CTNNA2: variants seen among roughly 807,000 people sequenced by gnomAD.
CTNNA2 encodes catenin alpha 2.
A neutral mutation model predicts 101.0 loss-of-function variants in CTNNA2; 42 were observed. The observed-to-expected ratio is 0.42, with a 90% confidence interval of 0.32 to 0.54. CTNNA2 has a LOEUF of 0.54. CTNNA2 is among the 20% of genes least tolerant of loss of function. The pLI is 0.14. For missense variants in CTNNA2, 871 were observed against 1,223.1 expected (o/e 0.71, Z 4.29); for synonymous variants, 450 against 456.4 (o/e 0.99, Z 0.18).
rs138388817 is a variant in CTNNA2 at position 79,889,185 on chromosome 2, A to AACAC, written c.852+14854_852+14857dup. Among the ~76,000 whole-genome samples the AACAC allele has an allele frequency of 3.5e-3, 537 of 151,836 alleles. 6 individuals carry two copies. The highest frequency in any genetic ancestry group is 0.013 in the African/African-American group (523 of 41,448). On this transcript the variant is annotated intron_variant, in intron 6 of 18. Transcript: ENST00000402739. ...TCAGTGGTGAAGTAAACCACACACA[A>AACAC]ACACACACACACACGTGCAACAACT...
intron 3 of CTNNA2, among the ~76,000 whole-genome samples, chr2:79,755,135 G>A (rs1672310171): frequency 6.6e-6 from 1 of 151,838 alleles, no homozygotes; most frequent in East Asian, 1.9e-4. Flanking sequence ...AACCAGCCTG[G>A]GCAAGATAGC....
At chr2:80,402,528 C>T (rs1290827330) in intron 8 of CTNNA2, among the ~76,000 whole-genome samples, 1 of 151,910 alleles carries the variant, frequency 6.6e-6, no homozygotes, top group African/African-American at 2.4e-5. Flanking sequence ...GATGCTGTCA[C>T]CCAAGAAATT....
intron 3 of CTNNA2, among the ~76,000 whole-genome samples, chr2:79,357,117 A>C (rs538423825): frequency 4.6e-5 from 7 of 152,288 alleles, no homozygotes; most frequent in African/African-American, 1.7e-4. Flanking sequence ...ATTTGAGCCC[A>C]GGAGTTTGAG....
intron 2 of CTNNA2, 143 bp from the exon 3 acceptor site, chr2:79,744,244 G>A: frequency 1.5e-6 from 1 of 679,372 alleles, no homozygotes; most frequent in Admixed American, 3.2e-5. Context: ...AAGGTTATGT[G>A]AGGAGGCTAA....
intron 2 of CTNNA2, among the ~76,000 whole-genome samples, chr2:79,728,205 G>T (rs1377132918): frequency 6.6e-6 from 1 of 152,090 alleles, no homozygotes; most frequent in African/African-American, 2.4e-5. Context: ...CAGTGTAAAA[G>T]TGTTCCTATT....
intron 7 of CTNNA2, among the ~76,000 whole-genome samples, chr2:80,101,448 G>A (rs6717084): frequency 0.52 from 78,745 of 152,052 alleles, 23,148 homozygotes; most frequent in African/African-American, 0.77. Context: ...TTTCACTTGA[G>A]CTGATTCTTT....
At chr2:79,289,880 C>T (rs1675747733) in intron 2 of CTNNA2, among the ~76,000 whole-genome samples, 1 of 152,174 alleles carries the variant, frequency 6.6e-6, no homozygotes, top group African/African-American at 2.4e-5. Flanking sequence ...TAGAGCTTAA[C>T]TCCATAAATT....
intron 7 of CTNNA2, among the ~76,000 whole-genome samples, chr2:79,966,339 G>A (rs900770601): frequency 5.3e-5 from 8 of 152,036 alleles, no homozygotes; most frequent in Middle Eastern, 3.2e-3. Context: ...GGGCTCAAGC[G>A]ATCCTCCCAC....
intron 2 of CTNNA2, among the ~76,000 whole-genome samples, chr2:79,264,347 T>C (rs1674962913): frequency 6.6e-6 from 1 of 152,210 alleles, no homozygotes; most frequent in Admixed American, 6.5e-5. Flanking sequence ...ATACGCATTT[T>C]TTAATAGAAA....
chr2:79,579,646 C>T (rs927037251), intron 1 of CTNNA2, among the ~76,000 whole-genome samples: 1 of 152,136 alleles, frequency 6.6e-6, no homozygotes, highest in African/African-American at 2.4e-5. Context: ...ATGGAGTTCA[C>T]TCTTGTTGCC....
intron 1 of CTNNA2, among the ~76,000 whole-genome samples, chr2:79,619,386 C>T (rs568480673): frequency 3.9e-5 from 6 of 152,300 alleles, no homozygotes; most frequent in Non-Finnish European, 7.4e-5. Context: ...CCTGCAATAG[C>T]AACATTAGCA....
intron 3 of CTNNA2, among the ~76,000 whole-genome samples, chr2:79,357,106 C>G (rs964194157): frequency 2.0e-5 from 3 of 152,124 alleles, no homozygotes. Flanking sequence ...GCAGGAGGGT[C>G]ATTTGAGCCC....
rs1315670426 is a variant in CTNNA2, at chr2:80,124,555, A to G, written c.1056+214758A>G. On this transcript the variant is annotated intron_variant, in intron 7 of 18. Transcript: ENST00000402739. ...AATATATCCTCATTTTTTTCCAAAC[A>G]TAGTTTACTAAATATTTTCTCGTAT... 2.0e-5 allele frequency among the ~76,000 whole-genome samples: 3 copies of G among 152,194 alleles called. No individual in the cohort carries two copies. In the East Asian group the frequency reaches 5.8e-4, roughly 29 times the overall value.
chr2:79,996,002 T>C (rs1249248081), intron 7 of CTNNA2, among the ~76,000 whole-genome samples: 1 of 152,178 alleles, frequency 6.6e-6, no homozygotes, highest in South Asian at 2.1e-4. Flanking sequence ...GATTTCTCTT[T>C]TGCAGGCTTA....
At chr2:79,282,827 C>T (rs1439900144) in intron 2 of CTNNA2, among the ~76,000 whole-genome samples, 5 of 104,688 alleles carry the variant, frequency 4.8e-5, no homozygotes, top group Non-Finnish European at 6.7e-5. Flanking sequence ...CCTGAGGAAT[C>T]ACCACACTGA....
At chr2:79,506,873 T>G (rs980690339) in intron 5 of CTNNA2, among the ~76,000 whole-genome samples, 40 of 152,114 alleles carry the variant, frequency 2.6e-4, no homozygotes, top group Admixed American at 1.3e-3. Flanking sequence ...GTCACAGGAG[T>G]TATGTGACTA....
chr2:80,007,716 G>T lies in CTNNA2; in HGVS notation c.1056+97919G>T, dbSNP rs1054097214. ...TTAGAGATCAGATTTAGGAGGCTTG[G>T]GGAATCCTTTTATTCTATAGCCAGA... On this transcript the variant is annotated intron_variant, in intron 7 of 18. Transcript: ENST00000402739. Among the ~76,000 whole-genome samples the T allele has an allele frequency of 9.2e-5, 14 of 152,260 alleles. 1 individual carries two copies. In the East Asian group the frequency reaches 2.7e-3, roughly 29 times the overall value.
rs1673627373 is a variant in CTNNA2, at chr2:79,544,713, A to G, written c.-6+31506A>G. On this transcript the variant is annotated intron_variant, in intron 1 of 18. Transcript: ENST00000402739. The stretch of plus-strand genomic sequence containing the variant: ...ATGAGACCCAAAATGAAGATGAATC[A>G]CTTCTTAAATTCTAGGAGTTACCCA... Among the ~76,000 whole-genome samples, 4 of 152,278 alleles carry G rather than the reference A, an allele frequency of 2.6e-5. No individual in the cohort carries two copies. The South Asian group carries it at 8.3e-4, about 32-fold the overall frequency.
At chr2:79,198,847 C>T (rs1673996313) in intron 2 of CTNNA2, among the ~76,000 whole-genome samples, 1 of 135,964 alleles carries the variant, frequency 7.4e-6, no homozygotes, top group African/African-American at 2.7e-5. Context: ...AAAATCATGG[C>T]TTACAGAGAT....
Sources: allele counts gnomAD v4.1 joint callset (sites outside exome capture counted in the v4.1 genomes callset), GRCh38; gene constraint gnomAD v4.1.1; transcripts MANE v1.5; gene names NCBI Gene and HGNC (gene_info 2026-07-23, HGNC 2026-07-21).